Variants in SLC39A8 observed in about 807,000 individuals in gnomAD.
The protein encoded by SLC39A8 is solute carrier family 39 member 8.
SLC39A8 carries 15 observed loss-of-function variants against 40.4 expected under a neutral mutation model. The observed-to-expected ratio is 0.37, with a 90% confidence interval of 0.25 to 0.57. SLC39A8 has a LOEUF of 0.57. Among genes scored for constraint, SLC39A8 ranks in the 20% least tolerant of loss-of-function variants. SLC39A8 has a pLI of 0.75. For missense variants in SLC39A8, 472 were observed against 558.8 expected, an observed-to-expected ratio of 0.84 and a Z score of 1.57; for synonymous variants, 223 against 221.6, an observed-to-expected ratio of 1.01 and a Z score of -0.06.
chr4:102,258,097 G>GTT (rs1270948341), downstream of SLC39A8, among the ~76,000 whole-genome samples: 515 of 136,504 alleles, frequency 3.8e-3, 5 homozygotes, highest in African/African-American at 0.018. Context: ...GTAAGTAAGT[G>GTT]TTTTTTGTTT....
chr4:102,263,408 T>A (rs1009882765), intron 8 of SLC39A8, among the ~76,000 whole-genome samples: 12 of 152,176 alleles, frequency 7.9e-5, no homozygotes, highest in Non-Finnish European at 1.0e-4. Flanking sequence ...AAGTGTGCAA[T>A]AGCATAATAT....
intron 3 of SLC39A8, among the ~76,000 whole-genome samples, chr4:102,314,429 T>C (rs1734571490): frequency 6.6e-6 from 1 of 152,056 alleles, no homozygotes. Flanking sequence ...TTTAGAATGG[T>C]ACAGTGACTT....
At chr4:102,308,231 T>C (rs1734277081) in intron 3 of SLC39A8, among the ~76,000 whole-genome samples, 1 of 151,890 alleles carries the variant, frequency 6.6e-6, no homozygotes, top group Non-Finnish European at 1.5e-5. Context: ...CAATAAGCAC[T>C]CAGGAAGTGA....
At chr4:102,281,702 AC>A (rs1385822416) in intron 6 of SLC39A8, among the ~76,000 whole-genome samples, 3 of 152,106 alleles carry the variant, frequency 2.0e-5, no homozygotes, top group African/African-American at 7.2e-5. Context: ...GCAAGGGGCA[AC>A]TGGCACCCTG....
At position 102,263,121 on chromosome 4, in the gene SLC39A8, G is replaced by C; in HGVS notation, c.1306C>G (p.Gln436Glu). The C allele has an allele frequency of 6.2e-7, 1 of 1,613,816 alleles. No individual in the cohort carries two copies. Among genetic ancestry groups the C allele is most frequent in the Non-Finnish European group, 8.5e-7 (1 of 1,179,788 alleles). The stretch of plus-strand genomic sequence containing the variant: ...AATCCAGTTAACATTCCAGCATTCT[G>C]AATCATGAAGAAGGTGAAATCGGTT... The part of the protein sequence containing the change: ...RKTDFTFFMI[Q>E]NAGMLTGFTA... The change falls in exon 9 of 9, where the codon CAG becomes GAG. Residue 436 changes from glutamine (Q) to glutamate (E), a missense_variant. Gln to Glu is a conservative substitution (Grantham distance 29, BLOSUM62 2). Coordinates refer to ENST00000356736, the MANE Select transcript of SLC39A8 (RefSeq NM_001135146.2).
rs766569367 is a variant in SLC39A8, at chr4:102,267,619, G to A, written c.1104C>T (p.Phe368=). The part of the protein sequence containing the change: ...AGMSTRQALL[F]NFLSACSCYV... ...AGCAGGAACATGCAGAAAGGAAGTT[G>A]AATAGCAAGGCTTGTCGAGTGCTCA... Residue 368 remains phenylalanine, a synonymous_variant, in exon 8 of 9, where the codon TTC becomes TTT. Coordinates refer to ENST00000356736, the MANE Select transcript of SLC39A8 (RefSeq NM_001135146.2). 1.2e-6 allele frequency: 2 copies of A among 1,613,708 alleles called. No individual in the cohort carries two copies. The highest frequency in any genetic ancestry group is 2.2e-5 in the South Asian group (2 of 90,918).
intron 6 of SLC39A8, among the ~76,000 whole-genome samples, chr4:102,279,046 G>T (rs1732757717): frequency 6.6e-6 from 1 of 152,010 alleles, no homozygotes; most frequent in African/African-American, 2.4e-5. Flanking sequence ...AACTAATGTA[G>T]ATGACGGGTT....
intron 6 of SLC39A8, among the ~76,000 whole-genome samples, chr4:102,292,746 T>A (rs1001203670): frequency 6.6e-6 from 1 of 152,030 alleles, no homozygotes; most frequent in Admixed American, 6.6e-5. Context: ...TTAATCCCCA[T>A]CACCCTCACT....
chr4:102,334,690 G>C (rs1401301469), intron 2 of SLC39A8, among the ~76,000 whole-genome samples: 2 of 152,160 alleles, frequency 1.3e-5, no homozygotes, highest in Non-Finnish European at 2.9e-5. Flanking sequence ...AGAGGCACTT[G>C]GCTTTTTGGA....
downstream of SLC39A8, among the ~76,000 whole-genome samples, chr4:102,258,002 C>T (rs1223490734): frequency 6.6e-6 from 1 of 152,172 alleles, no homozygotes; most frequent in Non-Finnish European, 1.5e-5. Flanking sequence ...TCCCTGGCTG[C>T]ATCCCTGAGC....
chr4:102,280,307 G>A (rs1374876220), intron 6 of SLC39A8, among the ~76,000 whole-genome samples: 1 of 152,150 alleles, frequency 6.6e-6, no homozygotes, highest in Non-Finnish European at 1.5e-5. Context: ...TTTACAAAGT[G>A]TCTCTCCCCT....
At chr4:102,268,745 A>G (rs17225702) in intron 6 of SLC39A8, among the ~76,000 whole-genome samples, 11,473 of 152,286 alleles carry the variant, frequency 0.075, 609 homozygotes, top group South Asian at 0.15. Context: ...TGAAGTGTAA[A>G]TGGAACAGGC....
chr4:102,299,453 C>G (rs976188446), intron 6 of SLC39A8, among the ~76,000 whole-genome samples: 2 of 152,070 alleles, frequency 1.3e-5, no homozygotes, highest in Admixed American at 6.6e-5. Flanking sequence ...CTCATCTCCT[C>G]TCCACTGTGC....
intron 6 of SLC39A8, among the ~76,000 whole-genome samples, chr4:102,268,599 T>G (rs1443534620): frequency 6.6e-6 from 1 of 152,212 alleles, no homozygotes; most frequent in African/African-American, 2.4e-5. Flanking sequence ...ATGAAGACAT[T>G]GTACTAAATG....
At chr4:102,319,290 G>C (rs1578610941) in intron 2 of SLC39A8, among the ~76,000 whole-genome samples, 1 of 152,130 alleles carries the variant, frequency 6.6e-6, no homozygotes, top group Admixed American at 6.5e-5. Flanking sequence ...AAGGAATTAG[G>C]GCAAGTTCCT....
At chr4:102,322,623 G>A (rs893563451) in intron 2 of SLC39A8, among the ~76,000 whole-genome samples, 4 of 152,072 alleles carry the variant, frequency 2.6e-5, no homozygotes, top group African/African-American at 9.7e-5. Flanking sequence ...AAGACCATCT[G>A]ATCCTGTACC....
intron 2 of SLC39A8, among the ~76,000 whole-genome samples, chr4:102,335,950 A>G (rs746002628): frequency 5.9e-5 from 9 of 152,172 alleles, no homozygotes; most frequent in Non-Finnish European, 1.2e-4. Context: ...CAGATCATCA[A>G]TGGAAGACAA....
chr4:102,319,137 T>C (rs1734788868), intron 2 of SLC39A8, among the ~76,000 whole-genome samples: 1 of 152,126 alleles, frequency 6.6e-6, no homozygotes, highest in Non-Finnish European at 1.5e-5. Flanking sequence ...TTTCAGCAAA[T>C]AGTTATGTGC....
chr4:102,320,232 T>C (rs1249735215), intron 2 of SLC39A8, among the ~76,000 whole-genome samples: 1 of 135,268 alleles, frequency 7.4e-6, no homozygotes, highest in East Asian at 2.0e-4. Flanking sequence ...TGTATGAGTA[T>C]ATATATATGA....
Sources: allele counts gnomAD v4.1 joint callset (sites outside exome capture counted in the v4.1 genomes callset), GRCh38; gene constraint gnomAD v4.1.1; transcripts MANE v1.5; gene names NCBI Gene and HGNC (gene_info 2026-07-23, HGNC 2026-07-21).